COL21A1: variants seen among roughly 807,000 people sequenced by gnomAD.
The protein encoded by COL21A1 is collagen alpha-1(XXI) chain.
A neutral mutation model predicts 137.9 loss-of-function variants in COL21A1; 149 were observed. The ratio of observed to expected loss-of-function variants is 1.08; its 90% CI spans 0.95 to 1.24. COL21A1 has a LOEUF of 1.24. Among genes scored for constraint, COL21A1 ranks in the 50% most tolerant of loss-of-function variants. The pLI is 0.00. For missense variants in COL21A1, 1,167 were observed against 1,158.4 expected, an observed-to-expected ratio of 1.01 and a Z score of -0.11; for synonymous variants, 456 against 391.5, an observed-to-expected ratio of 1.16 and a Z score of -1.95.
chr6:56,253,570 C>A (rs1310787193), intron 1 of COL21A1, among the ~76,000 whole-genome samples: 1 of 152,158 alleles, frequency 6.6e-6, no homozygotes, highest in Non-Finnish European at 1.5e-5. Context: ...GTAGCTACAT[C>A]CAGCCATTAC....
intron 9 of COL21A1, among the ~76,000 whole-genome samples, chr6:56,159,333 C>CG (rs1256488392): frequency 5.2e-5 from 6 of 115,772 alleles, no homozygotes; most frequent in African/African-American, 2.2e-4. Context: ...GTCTGAATTA[C>CG]ATTTTTTTTT....
chr6:56,091,242 G>C (rs1474238493), intron 17 of COL21A1, among the ~76,000 whole-genome samples: 1 of 152,078 alleles, frequency 6.6e-6, no homozygotes, highest in African/African-American at 2.4e-5. Flanking sequence ...TTAAACAAAA[G>C]ATCTACTTGT....
chr6:56,094,048 T>C (rs1769104481), intron 17 of COL21A1, among the ~76,000 whole-genome samples: 1 of 152,300 alleles, frequency 6.6e-6, no homozygotes, highest in South Asian at 2.1e-4. Context: ...GTAATCTATA[T>C]AAGCAGGATA....
chr6:56,316,476 A>AATTTT (rs776151498), intron 1 of COL21A1, among the ~76,000 whole-genome samples: 5 of 30,358 alleles, frequency 1.6e-4, no homozygotes, highest in Non-Finnish European at 3.2e-4. Flanking sequence ...TTCTAAATAG[A>AATTTT]CTTTTTTTTT....
intron 9 of COL21A1, 109 bp from the exon 10 acceptor site, chr6:56,157,058 G>C: frequency 2.0e-6 from 1 of 504,476 alleles, no homozygotes; most frequent in Non-Finnish European, 3.2e-6. Context: ...TTTTTTGTAT[G>C]TTAAAAACAA....
chr6:56,346,131 A>G (rs1471733172), intron 1 of COL21A1, among the ~76,000 whole-genome samples: 4 of 152,240 alleles, frequency 2.6e-5, no homozygotes, highest in South Asian at 2.1e-4. Flanking sequence ...GACATTTCAC[A>G]TATGTACACA....
intron 1 of COL21A1, among the ~76,000 whole-genome samples, chr6:56,321,783 T>C (rs1245767272): frequency 6.6e-6 from 1 of 152,056 alleles, no homozygotes; most frequent in Non-Finnish European, 1.5e-5. Context: ...ATCATCGAAG[T>C]TGAACCCCCT....
chr6:56,125,952 A>G (rs1773018489), intron 13 of COL21A1, 144 bp downstream of exon 13: 2 of 539,664 alleles, frequency 3.7e-6, no homozygotes, highest in Non-Finnish European at 6.5e-6. Flanking sequence ...TTTTATATAA[A>G]CTAATATTAA....
chr6:56,140,119 G>A (rs550672710), intron 12 of COL21A1, among the ~76,000 whole-genome samples: 141 of 152,152 alleles, frequency 9.3e-4, no homozygotes, highest in African/African-American at 3.2e-3. Context: ...ATCACCTAAT[G>A]TAAGTTTTAA....
chr6:56,140,946 C>T (rs1774360876), intron 12 of COL21A1, among the ~76,000 whole-genome samples: 1 of 152,088 alleles, frequency 6.6e-6, no homozygotes. Flanking sequence ...TGACCCAAAA[C>T]AATAAAGCAG....
intron 10 of COL21A1, among the ~76,000 whole-genome samples, chr6:56,142,251 T>G (rs1014277358): frequency 1.3e-5 from 2 of 152,162 alleles, no homozygotes; most frequent in Non-Finnish European, 2.9e-5. Context: ...AGAGTTAATG[T>G]TCACAGTTTC....
intron 1 of COL21A1, among the ~76,000 whole-genome samples, chr6:56,327,671 G>A (rs2152343033): frequency 6.6e-6 from 1 of 152,134 alleles, no homozygotes; most frequent in East Asian, 1.9e-4. Context: ...TACCCAGTTT[G>A]GAATCGTGGC....
intron 1 of COL21A1, among the ~76,000 whole-genome samples, chr6:56,309,082 C>T (rs1350248286): frequency 2.0e-5 from 3 of 151,140 alleles, no homozygotes; most frequent in East Asian, 3.9e-4. Flanking sequence ...CTTGATCTGT[C>T]GCCCGGCTGG....
intron 1 of COL21A1, among the ~76,000 whole-genome samples, chr6:56,393,734 G>A (rs1399105010): frequency 6.6e-6 from 1 of 152,178 alleles, no homozygotes; most frequent in Non-Finnish European, 1.5e-5. Flanking sequence ...CATGAGGCAG[G>A]TAGAAAATTG....
At chr6:56,224,935 A>C (rs2152314493) in intron 1 of COL21A1, among the ~76,000 whole-genome samples, 1 of 152,210 alleles carries the variant, frequency 6.6e-6, no homozygotes, top group South Asian at 2.1e-4. Context: ...GTGATAAAGA[A>C]CAGCAATGCT....
intron 1 of COL21A1, among the ~76,000 whole-genome samples, chr6:56,290,703 T>A (rs1311279181): frequency 6.6e-6 from 1 of 152,116 alleles, no homozygotes; most frequent in Non-Finnish European, 1.5e-5. Flanking sequence ...GGTTTCCCCA[T>A]GTTGGCCAGG....
rs532574270 is a variant in COL21A1, at chr6:56,334,207, G to T, written c.-39+59764C>A. Among the ~76,000 whole-genome samples the T allele has an allele frequency of 6.0e-3, 905 of 152,086 alleles. 7 individuals are homozygous for T. The highest frequency in any genetic ancestry group is 0.02 in the African/African-American group (822 of 41,514). On this transcript the variant is annotated intron_variant, in intron 1 of 28. Coordinates refer to the COL21A1 transcript ENST00000370819. ...TAATTATGTATATACTTGTCCATCTGCCCTCCAGAAACATGGTGTCAAAGT... is the reference window on the plus strand; with the variant it reads ...TAATTATGTATATACTTGTCCATCTTCCCTCCAGAAACATGGTGTCAAAGT...
chr6:56,225,127 T>C (rs1781105277), intron 1 of COL21A1, among the ~76,000 whole-genome samples: 2 of 152,054 alleles, frequency 1.3e-5, no homozygotes, highest in African/African-American at 4.8e-5. Context: ...CACTGACTCC[T>C]CCAAAGCCAC....
chr6:56,169,635 A>G (rs1776870070), intron 5 of COL21A1, among the ~76,000 whole-genome samples: 1 of 151,972 alleles, frequency 6.6e-6, no homozygotes, highest in South Asian at 2.1e-4. Flanking sequence ...TGAATCATTT[A>G]TTTAATGCGC....
Sources: gnomAD v4.1 joint callset for allele counts (sites outside exome capture counted in the v4.1 genomes callset) on GRCh38, gnomAD v4.1.1 for gene constraint, MANE v1.5 for transcripts, NCBI Gene and HGNC (gene_info 2026-07-23, HGNC 2026-07-21) for gene names.